Variants in DNAH11 observed in about 807,000 individuals in gnomAD.
DNAH11 encodes axonemal beta dynein heavy chain 11.
A neutral mutation model predicts 526.0 loss-of-function variants in DNAH11; 442 were observed. The ratio of observed to expected loss-of-function variants is 0.84; its 90% CI spans 0.78 to 0.91. DNAH11 has a LOEUF of 0.91. DNAH11 is among the 40% of genes least tolerant of loss of function. The probability of loss-of-function intolerance (pLI) is 0.00; values close to 1 mark genes in which losing one functional copy is unlikely to be tolerated. For missense variants in DNAH11, 6,989 were observed against 5,448.7 expected, an observed-to-expected ratio of 1.28 and a Z score of -8.90; for synonymous variants, 2,461 against 1,935.9, an observed-to-expected ratio of 1.27 and a Z score of -7.12.
chr7:21,900,904 CAAAACCA>C, intron 81 of DNAH11, 96 bp from the exon 82 acceptor site: 3 of 1,476,236 alleles, frequency 2.0e-6, no homozygotes, highest in South Asian at 1.6e-5. Flanking sequence ...AAAAATATGA[CAAAACCA>C]GAATGTTGAA....
chr7:21,694,340 C>CCCT (rs1783756443), intron 35 of DNAH11, among the ~76,000 whole-genome samples: 2 of 152,126 alleles, frequency 1.3e-5, no homozygotes, highest in Admixed American at 6.5e-5. Flanking sequence ...CTAATGATCT[C>CCCT]CCTCCTCTTG....
At chr7:21,883,072 T>G (rs924782237) in intron 75 of DNAH11, among the ~76,000 whole-genome samples, 1 of 152,218 alleles carries the variant, frequency 6.6e-6, no homozygotes, top group African/African-American at 2.4e-5. Flanking sequence ...ACCCCTCTCT[T>G]ATTTTTCATT....
At chr7:21,762,638 A>C (rs1018331127) in intron 54 of DNAH11, among the ~76,000 whole-genome samples, 7 of 152,236 alleles carry the variant, frequency 4.6e-5, no homozygotes, top group African/African-American at 1.7e-4. Context: ...TTCGTTTGTA[A>C]CTAGAGTTTT....
intron 8 of DNAH11, among the ~76,000 whole-genome samples, chr7:21,572,980 C>T (rs1485695145): frequency 6.6e-6 from 1 of 152,156 alleles, no homozygotes; most frequent in Non-Finnish European, 1.5e-5. Context: ...CTTAAGAGAG[C>T]CTCTAGGTTA....
chr7:21,659,047 G>A lies in DNAH11; in HGVS notation c.5328+16G>A, dbSNP rs1194082427. 19 of 1,541,492 alleles carry A rather than the reference G, an allele frequency of 1.2e-5. No homozygotes were observed. Among genetic ancestry groups the A allele is most frequent in the Non-Finnish European group, 1.7e-5 (19 of 1,141,050 alleles). ...TAAAAAACAGGTATTACATAGATTTGTGATTTTGAGACATAAAGGAACTTC... is the reference window on the plus strand; with the variant it reads ...TAAAAAACAGGTATTACATAGATTTATGATTTTGAGACATAAAGGAACTTC... On this transcript the variant is annotated intron_variant, in intron 30 of 81. Transcript: ENST00000409508.
At chr7:21,786,301 CAT>C (rs1491219532) in intron 58 of DNAH11, among the ~76,000 whole-genome samples, 40 of 115,692 alleles carry the variant, frequency 3.5e-4, no homozygotes, top group African/African-American at 1.4e-3. Context: ...AACATATACA[CAT>C]GTGTGTGTGT....
At chr7:21,698,807 C>T (rs973700909) in intron 36 of DNAH11, among the ~76,000 whole-genome samples, 1 of 152,136 alleles carries the variant, frequency 6.6e-6, no homozygotes, top group East Asian at 1.9e-4. Flanking sequence ...CATATAATGA[C>T]TACTTTTCCT....
chr7:21,732,650 A>G (rs1785432318), intron 45 of DNAH11, among the ~76,000 whole-genome samples: 1 of 152,220 alleles, frequency 6.6e-6, no homozygotes, highest in Admixed American at 6.5e-5. Flanking sequence ...TTCACAAACA[A>G]GGAATTCAGA....
intron 5 of DNAH11, chr7:21,561,375 A>C (rs996633289): frequency 1.4e-5 from 6 of 431,862 alleles, no homozygotes. Context: ...ATATAGTAGT[A>C]CCTGCCAAAA....
chr7:21,610,761 A>G (rs907293130), intron 20 of DNAH11, among the ~76,000 whole-genome samples: 1 of 152,174 alleles, frequency 6.6e-6, no homozygotes, highest in African/African-American at 2.4e-5. Flanking sequence ...TTAAAATTGG[A>G]AAGAGAATTA....
chr7:21,722,116 T>C (rs1306378176), intron 44 of DNAH11, among the ~76,000 whole-genome samples: 1 of 152,194 alleles, frequency 6.6e-6, no homozygotes, highest in East Asian at 1.9e-4. Context: ...AATTTGCAGA[T>C]CTAATTGCCA....
chr7:21,738,847 C>T lies in DNAH11; in HGVS notation c.7792C>T (p.His2598Tyr). Residue 2598 changes from histidine (H) to tyrosine (Y), a missense_variant, in exon 47 of 82, where the codon CAT becomes TAT. By Grantham distance (83) the His-to-Tyr change is moderately conservative (BLOSUM62 2). Transcript: ENST00000409508. Reference protein sequence around the residue: ...TVQPHTLIRQHIDYGHWYDRQ... With the variant: ...TVQPHTLIRQYIDYGHWYDRQ... The stretch of plus-strand genomic sequence containing the variant: ...TCAGCCTCACACCCTGATCCGGCAG[C>T]ATATTGATTATGGACATTGGTAAGC... The T allele has an allele frequency of 1.2e-6, 2 of 1,601,850 alleles. No homozygotes were observed. Among genetic ancestry groups the T allele is most frequent in the Non-Finnish European group, 1.7e-6 (2 of 1,174,944 alleles).
At chr7:21,748,345 A>C (rs1046572291) in intron 51 of DNAH11, among the ~76,000 whole-genome samples, 1 of 152,086 alleles carries the variant, frequency 6.6e-6, no homozygotes, top group African/African-American at 2.4e-5. Context: ...TCAGCTGGGC[A>C]TGGTGGTGAG....
chr7:21,761,131 G>C (rs990268972), intron 54 of DNAH11, among the ~76,000 whole-genome samples: 1 of 152,100 alleles, frequency 6.6e-6, no homozygotes, highest in Non-Finnish European at 1.5e-5. Flanking sequence ...ATAACCAACG[G>C]TTTCCAGACA....
At chr7:21,599,114 C>A (rs1305488868) in intron 14 of DNAH11, among the ~76,000 whole-genome samples, 3 of 152,148 alleles carry the variant, frequency 2.0e-5, no homozygotes, top group Non-Finnish European at 4.4e-5. Context: ...GATGGGATTG[C>A]TGGGTCAAAT....
chr7:21,803,731 G>C (rs898608189), intron 62 of DNAH11, among the ~76,000 whole-genome samples: 3 of 150,058 alleles, frequency 2.0e-5, no homozygotes, highest in Non-Finnish European at 4.4e-5. Flanking sequence ...TTGAAGTCTG[G>C]AAAAGTGGAC....
Position 21,848,102 on chromosome 7 carries a change from G to A in DNAH11, c.10897-4365G>A, listed in dbSNP as rs57026990. On this transcript the variant is annotated intron_variant, in intron 66 of 81. Coordinates refer to ENST00000409508, the MANE Select transcript of DNAH11 (RefSeq NM_001277115.2). ...GAATGGCGTGAACCCAGGAGGTAGAGCTTGCAGTGAGCTGGGATTGCACCA... is the reference window on the plus strand; with the variant it reads ...GAATGGCGTGAACCCAGGAGGTAGAACTTGCAGTGAGCTGGGATTGCACCA... Among the ~76,000 whole-genome samples the A allele has an allele frequency of 2.1e-3, 324 of 150,952 alleles. 2 individuals are homozygous for A. The highest frequency in any genetic ancestry group is 7.6e-3 in the African/African-American group (309 of 40,772).
At chr7:21,824,162 G>T (rs1790176054) in intron 65 of DNAH11, among the ~76,000 whole-genome samples, 2 of 152,182 alleles carry the variant, frequency 1.3e-5, no homozygotes, top group African/African-American at 4.8e-5. Context: ...CCTAGGAGGA[G>T]TATTTTGGGT....
At chr7:21,888,768 A>C (rs1562605273) in intron 76 of DNAH11, among the ~76,000 whole-genome samples, 1 of 152,172 alleles carries the variant, frequency 6.6e-6, no homozygotes, top group Non-Finnish European at 1.5e-5. Flanking sequence ...GATTACAGGC[A>C]TGAGCCACCA....
Sources: allele counts gnomAD v4.1 joint callset (sites outside exome capture counted in the v4.1 genomes callset), GRCh38; gene constraint gnomAD v4.1.1; transcripts MANE v1.5; gene names NCBI Gene and HGNC (gene_info 2026-07-23, HGNC 2026-07-21).